PHF12: variants seen among roughly 807,000 people sequenced by gnomAD.
The protein encoded by PHF12 is PHD finger protein 12.
PHF12 carries 6 observed loss-of-function variants against 99.8 expected under a neutral mutation model. The ratio of observed to expected loss-of-function variants is 0.06; its 90% CI spans 0.03 to 0.12. PHF12 has a LOEUF of 0.12. Among genes scored for constraint, PHF12 ranks in the 10% least tolerant of loss-of-function variants. PHF12 has a pLI of 1.00. For missense variants in PHF12, 954 were observed against 1,300.1 expected, an observed-to-expected ratio of 0.73 and a Z score of 4.09; for synonymous variants, 480 against 514.9, an observed-to-expected ratio of 0.93 and a Z score of 0.92.
Position 28,906,509 on chromosome 17 carries a change from G to T in PHF12, c.2689C>A (p.Arg897=). The change falls in exon 15 of 15, where the codon CGG becomes AGG. Residue 897 remains arginine (R), a synonymous_variant. Transcript: ENST00000332830. This position sits in a 1 kb window ranked among gnomAD's most constrained non-coding sequence, Gnocchi z 4.2. ...AKVQSVIRRR[R]HQKQDEEPSE... ...GGCTCTTCGTCCTGTTTCTGGTGCC[G>T]GCGGCGCCCTGGGAAAAAGGGGGAT... 1.3e-6 allele frequency: 2 copies of T among 1,598,242 alleles called. No individual in the cohort carries two copies. The highest frequency in any genetic ancestry group is 8.6e-7 in the Non-Finnish European group (1 of 1,168,486).
chr17:28,944,704 A>T (rs934531737), intron 2 of PHF12: 12 of 156,708 alleles, frequency 7.7e-5, no homozygotes, highest in African/African-American at 2.7e-4. Context: ...CAACACAGAA[A>T]ATGCAAAACA....
Position 28,950,393 on chromosome 17 carries a change from C to A in PHF12, c.67-147G>T, listed in dbSNP as rs1480824727. ...CAGGCTGCTCCCAGAATCTCTCAGC[C>A]CCCGGAACCAGGGGGAGCCCACCCT... On this transcript the variant is annotated intron_variant, in intron 1 of 14. Transcript: ENST00000332830. The surrounding 1 kb of genome is among the most constrained non-coding windows in gnomAD (Gnocchi z 5.7). 3.2e-6 allele frequency: 3 copies of A among 926,614 alleles called. No homozygotes were observed. Among genetic ancestry groups the A allele is most frequent in the Non-Finnish European group, 4.7e-6 (3 of 635,980 alleles). The allele number at this position is 926,614 out of a possible 1,614,324, so 57.4% of individuals were successfully genotyped here. A position where few individuals can be genotyped will look rare whatever the true frequency, so the allele number is the denominator to read the frequency against.
intron 9 of PHF12, chr17:28,912,180 G>A (rs2039972106): frequency 8.3e-7 from 1 of 1,205,424 alleles, no homozygotes; most frequent in Non-Finnish European, 1.0e-6. Flanking sequence ...ACAGGCAGAG[G>A]CCTAGGCCTG....
intron 5 of PHF12, among the ~76,000 whole-genome samples, chr17:28,921,316 C>G (rs895286082): frequency 6.6e-5 from 10 of 152,136 alleles, no homozygotes; most frequent in African/African-American, 2.4e-4. Flanking sequence ...GTGCGTATCA[C>G]CATACCTGGT....
chr17:28,938,006 C>A (rs1040755538), intron 2 of PHF12, among the ~76,000 whole-genome samples: 2 of 152,158 alleles, frequency 1.3e-5, no homozygotes, highest in Admixed American at 6.6e-5. Context: ...ACTCTGTATT[C>A]TGGAAGAGTC....
chr17:28,927,232 G>A (rs760210743), intron 2 of PHF12, among the ~76,000 whole-genome samples, 169 bp from the exon 3 acceptor site: 50 of 152,234 alleles, frequency 3.3e-4, no homozygotes, highest in Non-Finnish European at 5.7e-4. Flanking sequence ...ATAACCTAAG[G>A]AGTGACCATC....
intron 11 of PHF12, chr17:28,909,359 T>C (rs1168284055): frequency 6.4e-6 from 1 of 157,138 alleles, no homozygotes; most frequent in Non-Finnish European, 1.4e-5. Context: ...AAAAAACCAA[T>C]GCATTGAGCT....
At chr17:28,921,547 C>T (rs545990813) in intron 5 of PHF12, 141 bp downstream of exon 5, 37 of 1,081,072 alleles carry the variant, frequency 3.4e-5, no homozygotes, top group South Asian at 2.6e-4. Context: ...TCTCGTCAGT[C>T]CATTAGTTAG....
intron 7 of PHF12, 134 bp from the exon 8 acceptor site, chr17:28,914,171 A>G (rs1230264168): frequency 2.0e-6 from 2 of 1,008,340 alleles, no homozygotes; most frequent in African/African-American, 1.6e-5. Flanking sequence ...TGCTGAGGAA[A>G]AGGAGGCTCA....
At chr17:28,934,432 G>A (rs906239897) in intron 2 of PHF12, among the ~76,000 whole-genome samples, 3 of 152,136 alleles carry the variant, frequency 2.0e-5, no homozygotes, top group Non-Finnish European at 4.4e-5. Flanking sequence ...GTTAAGGATC[G>A]TGAGGAGTTC....
chr17:28,931,256 CT>C (rs34710675), intron 2 of PHF12, among the ~76,000 whole-genome samples: 78,142 of 127,338 alleles, frequency 0.61, 23,290 homozygotes, highest in East Asian at 0.86. Flanking sequence ...GCCATCATTC[CT>C]TTTTTTTTTT....
At chr17:28,916,719 C>T (rs79107626) in intron 7 of PHF12, among the ~76,000 whole-genome samples, 3,264 of 152,294 alleles carry the variant, frequency 0.021, 52 homozygotes, top group Middle Eastern at 0.048. Context: ...ATTTTTCTGT[C>T]AATCTCTGTA....
rs776180110 is a variant in PHF12, at chr17:28,908,827, C to T, written c.2414G>A (p.Gly805Glu). The T allele has an allele frequency of 6.2e-7, 1 of 1,614,076 alleles. No individual in the cohort carries two copies. The highest frequency in any genetic ancestry group is 8.5e-7 in the Non-Finnish European group (1 of 1,179,998). Residue 805 changes from glycine (G) to glutamate (E), a missense_variant, in exon 12 of 15, where the codon GGA (glycine) becomes GAA (glutamate). This residue lies in a region of PHF12 where 143 missense variants were observed against 191.8 expected (regional missense o/e 0.75). Coordinates refer to ENST00000332830, the MANE Select transcript of PHF12 (RefSeq NM_001033561.2). Reference protein sequence around the residue: ...RAVFYPLLGLGGAVNMCYRTL... With the variant: ...RAVFYPLLGLEGAVNMCYRTL... The stretch of plus-strand genomic sequence containing the variant: ...TCGATAGCACATGTTCACAGCTCCT[C>T]CCAACCCTAAGAGGGGGTAGAACAC...
Position 28,950,314 on chromosome 17 carries a change from G to A in PHF12, c.67-68C>T. On this transcript the variant is annotated intron_variant, in intron 1 of 14. Transcript: ENST00000332830. The surrounding 1 kb of genome is among the most constrained non-coding windows in gnomAD (Gnocchi z 5.7). Reference sequence around the variant, plus strand: ...CCGGGCGGTCCGTCGCCCCCCCGGCGCGGTTTCTCCGTCACCCACCCCTCT... The same window carrying A: ...CCGGGCGGTCCGTCGCCCCCCCGGCACGGTTTCTCCGTCACCCACCCCTCT... 3 of 1,506,050 alleles carry A rather than the reference G, an allele frequency of 2.0e-6. No individual in the cohort carries two copies. Among genetic ancestry groups the A allele is most frequent in the Non-Finnish European group, 2.7e-6 (3 of 1,122,754 alleles). 93.3% of individuals were successfully genotyped at this position (1,506,050 alleles called of 1,614,324 possible).
rs1665972315 is a variant in PHF12, at chr17:28,950,254, CACAT to C, written c.67-12_67-9del. 1 of 1,604,582 alleles carries C rather than the reference CACAT, an allele frequency of 6.2e-7. No homozygotes were observed. The highest frequency in any genetic ancestry group is 1.3e-5 in the African/African-American group (1 of 74,624). On this transcript the variant is annotated splice_polypyrimidine_tract_variant and intron_variant, in intron 1 of 14. Coordinates refer to ENST00000332830, the MANE Select transcript of PHF12 (RefSeq NM_001033561.2). This position sits in a 1 kb window ranked among gnomAD's most constrained non-coding sequence, Gnocchi z 5.7. ...CAGCAGAGCTTGGATTTGCTGCACA[CACAT>C]ACAAACGGCGTGTGTGCACACTCGG...
At chr17:28,930,370 C>T (rs964227297) in intron 2 of PHF12, among the ~76,000 whole-genome samples, 4 of 152,218 alleles carry the variant, frequency 2.6e-5, no homozygotes, top group Non-Finnish European at 4.4e-5. Context: ...TTTGTACCTC[C>T]ACACCCTGTA....
intron 2 of PHF12, among the ~76,000 whole-genome samples, chr17:28,938,671 C>T (rs916882116): frequency 1.3e-5 from 2 of 151,930 alleles, no homozygotes; most frequent in South Asian, 4.2e-4. Flanking sequence ...GGGATTATAC[C>T]CCCCTACTTT....
At chr17:28,923,121 T>C (rs1446081008) in intron 4 of PHF12, among the ~76,000 whole-genome samples, 1 of 151,702 alleles carries the variant, frequency 6.6e-6, no homozygotes, top group African/African-American at 2.4e-5. Context: ...AAAAGCAACG[T>C]GTAGAATGGT....
At chr17:28,918,546 C>CT (rs1318603851) in intron 6 of PHF12, among the ~76,000 whole-genome samples, 4 of 152,230 alleles carry the variant, frequency 2.6e-5, no homozygotes, top group African/African-American at 9.6e-5. Context: ...AAGCAGTAGC[C>CT]TTTTTAATTT....
Sources: gnomAD v4.1 joint callset for allele counts (sites outside exome capture counted in the v4.1 genomes callset) on GRCh38, gnomAD v4.1.1 for gene constraint, gnomAD v4.1.1 regional missense constraint, Gnocchi (gnomAD v3.1) non-coding constraint, MANE v1.5 for transcripts, NCBI Gene and HGNC (gene_info 2026-07-23, HGNC 2026-07-21) for gene names.